The following RBFOX1 variants were observed in gnomAD, a reference collection of about 807,000 sequenced individuals.
RBFOX1 encodes the protein RNA binding protein fox-1 homolog 1.
In RBFOX1, 8 loss-of-function variants were observed where a neutral mutation model predicts 57.7. The ratio of observed to expected loss-of-function variants is 0.14; its 90% CI spans 0.08 to 0.25. The LOEUF (loss-of-function observed/expected upper bound fraction) is 0.25. Among genes scored for constraint, RBFOX1 ranks in the 10% least tolerant of loss-of-function variants. The probability of loss-of-function intolerance (pLI) is 1.00; values close to 1 mark genes in which losing one functional copy is unlikely to be tolerated. For missense variants in RBFOX1, 611 were observed against 548.5 expected (o/e 1.11, Z -1.14); for synonymous variants, 326 against 222.4 (o/e 1.47, Z -4.15).
chr16:6,101,329 A>G (rs1005504850), intron 1 of RBFOX1, among the ~76,000 whole-genome samples: 1 of 152,168 alleles, frequency 6.6e-6, no homozygotes, highest in Non-Finnish European at 1.5e-5. Context: ...TGTAAAAACC[A>G]CAGAGCATTT....
chr16:7,064,590 C>T (rs933673059), intron 4 of RBFOX1, among the ~76,000 whole-genome samples: 5 of 152,094 alleles, frequency 3.3e-5, no homozygotes, highest in Admixed American at 6.6e-5. Flanking sequence ...AGAAACCAAC[C>T]CCCCTGACAC....
chr16:7,060,274 C>G (rs1319721189), intron 4 of RBFOX1, among the ~76,000 whole-genome samples: 2 of 152,106 alleles, frequency 1.3e-5, no homozygotes, highest in Non-Finnish European at 2.9e-5. Context: ...TTTACAAGAA[C>G]AGGCAGTGGG....
chr16:5,313,532 A>G (rs1369415212), intron 1 of RBFOX1, among the ~76,000 whole-genome samples: 1 of 152,128 alleles, frequency 6.6e-6, no homozygotes, highest in Non-Finnish European at 1.5e-5. Flanking sequence ...TGCTGCTGAT[A>G]AAGACTTACC....
chr16:7,595,031 A>G (rs562845561), intron 7 of RBFOX1, among the ~76,000 whole-genome samples: 2 of 152,308 alleles, frequency 1.3e-5, no homozygotes, highest in Admixed American at 6.5e-5. Flanking sequence ...GAACTGACAA[A>G]TTTGAATAAC....
intron 1 of RBFOX1, among the ~76,000 whole-genome samples, chr16:5,333,897 C>T (rs567742914): frequency 6.6e-6 from 1 of 152,146 alleles, no homozygotes; most frequent in African/African-American, 2.4e-5. Flanking sequence ...TCTTATGGAC[C>T]ACCATTGCAA....
chr16:6,528,325 A>C (rs1442966402), intron 2 of RBFOX1, among the ~76,000 whole-genome samples: 2 of 152,242 alleles, frequency 1.3e-5, no homozygotes, highest in Admixed American at 6.5e-5. Flanking sequence ...TGCCTCACTC[A>C]TTAGAGAATT....
At chr16:7,486,603 G>C (rs956132621) in intron 4 of RBFOX1, among the ~76,000 whole-genome samples, 1 of 152,098 alleles carries the variant, frequency 6.6e-6, no homozygotes, top group Non-Finnish European at 1.5e-5. Context: ...AAAGCACCTG[G>C]CATTCACAGT....
At chr16:6,940,720 C>A (rs2078235432) in intron 3 of RBFOX1, among the ~76,000 whole-genome samples, 1 of 151,822 alleles carries the variant, frequency 6.6e-6, no homozygotes, top group African/African-American at 2.4e-5. Flanking sequence ...GCCTCAGCCT[C>A]CCGAGTAGCT....
In RBFOX1 at chr16:6,024,197, A is replaced by G. The variant is rs2095141009; in HGVS notation, c.-127+4205A>G. ...GTTGTCTTAGGGGAAGGAGTGGCTA[A>G]TGCAAGAAATATTTATTTGGAATGT... On this transcript the variant is annotated intron_variant, in intron 1 of 15. Transcript: ENST00000550418. Among the ~76,000 whole-genome samples the G allele has an allele frequency of 1.3e-5, 2 of 152,144 alleles. 1 individual carries two copies. Among genetic ancestry groups the G allele is most frequent in the South Asian group, 4.2e-4 (2 of 4,818 alleles).
At chr16:6,325,494 G>A (rs1011246235) in intron 2 of RBFOX1, among the ~76,000 whole-genome samples, 1 of 152,202 alleles carries the variant, frequency 6.6e-6, no homozygotes, top group Non-Finnish European at 1.5e-5. Context: ...AAGAAAAACA[G>A]TAATGATATT....
At chr16:5,577,706 G>A (rs979678156) in intron 2 of RBFOX1, among the ~76,000 whole-genome samples, 2 of 152,178 alleles carry the variant, frequency 1.3e-5, no homozygotes, top group East Asian at 1.9e-4. Flanking sequence ...CATAGCCCCA[G>A]TGAGGTCTGG....
chr16:6,612,376 A>C (rs142036503), intron 2 of RBFOX1, among the ~76,000 whole-genome samples: 31 of 152,306 alleles, frequency 2.0e-4, no homozygotes, highest in African/African-American at 7.0e-4. Flanking sequence ...ACTGCTTTTA[A>C]AAGTAGTAAA....
intron 1 of RBFOX1, among the ~76,000 whole-genome samples, chr16:6,062,362 C>A (rs891024003): frequency 1.3e-5 from 2 of 151,954 alleles, no homozygotes; most frequent in African/African-American, 4.8e-5. Flanking sequence ...AGGTAGGTCC[C>A]CCTGGCAACC....
At chr16:5,797,038 G>T (rs1210091850) in intron 3 of RBFOX1, among the ~76,000 whole-genome samples, 1 of 152,168 alleles carries the variant, frequency 6.6e-6, no homozygotes, top group Non-Finnish European at 1.5e-5. Context: ...TCTAATAAGT[G>T]CCATAAAGAA....
At chr16:5,291,687 G>C (rs1410498229) in intron 1 of RBFOX1, among the ~76,000 whole-genome samples, 1 of 152,208 alleles carries the variant, frequency 6.6e-6, no homozygotes, top group Non-Finnish European at 1.5e-5. Flanking sequence ...ACAGGGCCAG[G>C]GGAAAACACA....
At chr16:5,715,550 T>A (rs1397453924) in intron 3 of RBFOX1, among the ~76,000 whole-genome samples, 1 of 152,248 alleles carries the variant, frequency 6.6e-6, no homozygotes, top group African/African-American at 2.4e-5. Flanking sequence ...TCTCTCTCTT[T>A]TTGTCTTGCC....
intron 1 of RBFOX1, among the ~76,000 whole-genome samples, chr16:5,439,902 T>C (rs552232092): frequency 6.6e-6 from 1 of 152,270 alleles, no homozygotes; most frequent in African/African-American, 2.4e-5. Flanking sequence ...TTAGAATTTG[T>C]AAGATCTGAG....
chr16:7,273,818 T>C lies in RBFOX1; in HGVS notation c.27+221720T>C, dbSNP rs558743936. Among the ~76,000 whole-genome samples the C allele has an allele frequency of 1.9e-3, 287 of 152,366 alleles. 1 individual carries two copies. Among genetic ancestry groups the C allele is most frequent in the Non-Finnish European group, 3.1e-3 (208 of 68,038 alleles). On this transcript the variant is annotated intron_variant, in intron 4 of 15. Transcript: ENST00000550418. ...ATAAACTTGTTTATTTTTCCAGGGCTGGATTGGTTTGCCTTTCTCTCTTTC... is the reference window on the plus strand; with the variant it reads ...ATAAACTTGTTTATTTTTCCAGGGCCGGATTGGTTTGCCTTTCTCTCTTTC...
At chr16:7,052,230 T>G (rs1598173883) in intron 4 of RBFOX1, 132 bp downstream of exon 4, 1 of 1,349,786 alleles carries the variant, frequency 7.4e-7, no homozygotes, top group South Asian at 1.6e-5. Context: ...TTGAAAATAT[T>G]TATCCCAGCT....
Sources: allele counts gnomAD v4.1 joint callset (sites outside exome capture counted in the v4.1 genomes callset), GRCh38; gene constraint gnomAD v4.1.1; transcripts MANE v1.5; gene names NCBI Gene and HGNC (gene_info 2026-07-23, HGNC 2026-07-21).